TRPC6: variants seen among roughly 807,000 people sequenced by gnomAD.
The protein encoded by TRPC6 is short transient receptor potential channel 6.
Under a neutral mutation model 90.7 loss-of-function variants are expected in TRPC6, and 55 were observed. The ratio of observed to expected loss-of-function variants is 0.61; its 90% CI spans 0.49 to 0.76. The LOEUF is 0.76. Ranked by LOEUF, TRPC6 falls within the 30% of genes least tolerant of loss-of-function variation. The pLI is 0.00. For missense variants in TRPC6, 989 were observed against 1,122.7 expected (o/e 0.88, Z 1.70); for synonymous variants, 393 against 393.0 (o/e 1.00, Z 0.00).
chr11:101,464,922 G>C (rs979267750), intron 10 of TRPC6, among the ~76,000 whole-genome samples: 9 of 152,196 alleles, frequency 5.9e-5, no homozygotes, highest in African/African-American at 1.9e-4. Context: ...TTTTGCAGCA[G>C]CTTGTACCGG....
At chr11:101,578,371 T>C (rs2136900910) in intron 1 of TRPC6, among the ~76,000 whole-genome samples, 2 of 152,338 alleles carry the variant, frequency 1.3e-5, no homozygotes, top group Non-Finnish European at 2.9e-5. Flanking sequence ...TTCTCTAGCC[T>C]ACAGTCTGAA....
intron 1 of TRPC6, among the ~76,000 whole-genome samples, chr11:101,527,640 G>T (rs561210774): frequency 7.2e-5 from 11 of 152,126 alleles, no homozygotes; most frequent in African/African-American, 2.7e-4. Context: ...TATAAAATTT[G>T]AATTTTGCTA....
chr11:101,455,636 C>A (rs1282647657), intron 10 of TRPC6: 4 of 152,436 alleles, frequency 2.6e-5, no homozygotes, highest in African/African-American at 9.7e-5. Flanking sequence ...CAGCACTTTT[C>A]AAATTAAAAT....
intron 1 of TRPC6, among the ~76,000 whole-genome samples, chr11:101,545,394 T>C (rs1347772827): frequency 1.3e-5 from 2 of 152,308 alleles, no homozygotes; most frequent in African/African-American, 2.4e-5. Flanking sequence ...AGCATCCATA[T>C]ATTTTGCTAT....
intron 1 of TRPC6, among the ~76,000 whole-genome samples, chr11:101,532,593 G>A (rs61916052): frequency 0.018 from 2,719 of 152,224 alleles, 39 homozygotes; most frequent in Non-Finnish European, 0.028. Context: ...AACTGGGAGC[G>A]GACAATGTAG....
At chr11:101,467,359 C>G (rs1379961706) in intron 10 of TRPC6, among the ~76,000 whole-genome samples, 1 of 152,144 alleles carries the variant, frequency 6.6e-6, no homozygotes, top group Non-Finnish European at 1.5e-5. Context: ...TATACTTACT[C>G]TTCCTGCTCT....
chr11:101,548,210 A>G (rs1017153689), intron 1 of TRPC6, among the ~76,000 whole-genome samples: 2 of 147,414 alleles, frequency 1.4e-5, no homozygotes, highest in African/African-American at 5.0e-5. Context: ...TTTAAAATTT[A>G]TCATCTCATT....
intron 5 of TRPC6, among the ~76,000 whole-genome samples, chr11:101,480,681 C>A (rs930320176): frequency 5.9e-5 from 9 of 152,054 alleles, no homozygotes; most frequent in African/African-American, 2.2e-4. Context: ...CATATAAATG[C>A]TCAGTGAAAA....
intron 1 of TRPC6, among the ~76,000 whole-genome samples, chr11:101,535,175 A>AAAGGAAGGAAGGAAGG (rs199866910): frequency 3.4e-4 from 44 of 129,600 alleles, no homozygotes; most frequent in African/African-American, 9.2e-4. Flanking sequence ...GAAAGAAAAG[A>AAAGGAAGGAAGGAAGG]AAGGAAGGAA....
Position 101,488,822 on chromosome 11 carries a change from A to C in TRPC6, c.1293+115T>G. 11 of 1,138,372 alleles carry C rather than the reference A, an allele frequency of 9.7e-6. No individual in the cohort carries two copies. The South Asian group carries it at 1.5e-4, about 15-fold the overall frequency. 70.5% of individuals were successfully genotyped at this position (1,138,372 alleles called of 1,614,324 possible). ...TTATTTTGTAATGTTAAAAACAATAAAGATTACTGAAACCCAACTGTGATT... is the reference window on the plus strand; with the variant it reads ...TTATTTTGTAATGTTAAAAACAATACAGATTACTGAAACCCAACTGTGATT... On this transcript the variant is annotated intron_variant, in intron 4 of 12. Coordinates refer to ENST00000344327, the MANE Select transcript of TRPC6 (RefSeq NM_004621.6).
chr11:101,452,858 T>A lies in TRPC6; in HGVS notation c.*97A>T. 4.2e-6 allele frequency: 6 copies of A among 1,435,266 alleles called. No individual in the cohort carries two copies. The South Asian group carries it at 5.9e-5, about 14-fold the overall frequency. 88.9% of individuals were successfully genotyped at this position (1,435,266 alleles called of 1,614,324 possible). A position where few individuals can be genotyped will look rare whatever the true frequency, so the allele number is the denominator to read the frequency against. On this transcript the variant is annotated 3_prime_UTR_variant, in exon 13 of 13. Coordinates refer to ENST00000344327, the MANE Select transcript of TRPC6 (RefSeq NM_004621.6). ...CCCAAGTTATTTAACGTTTTCTTGT[T>A]TAAAAGGTGGGCCCATTGGCACTTA...
chr11:101,491,466 C>T, intron 3 of TRPC6, 90 bp downstream of exon 3: 1 of 1,512,450 alleles, frequency 6.6e-7, no homozygotes, highest in African/African-American at 1.4e-5. Context: ...AAAGAAAATC[C>T]CAGCTTAATC....
At chr11:101,562,313 A>G (rs1332805166) in intron 1 of TRPC6, among the ~76,000 whole-genome samples, 1 of 152,186 alleles carries the variant, frequency 6.6e-6, no homozygotes. Flanking sequence ...AAGGATTTAA[A>G]TGAGCAGTTA....
chr11:101,457,260 T>A (rs1565442940), intron 10 of TRPC6, among the ~76,000 whole-genome samples: 1 of 152,158 alleles, frequency 6.6e-6, no homozygotes, highest in Admixed American at 6.6e-5. Context: ...TCTCTCCAAT[T>A]CTGAATGAAC....
At chr11:101,513,847 T>C (rs1030031492) in intron 1 of TRPC6, among the ~76,000 whole-genome samples, 59 of 152,146 alleles carry the variant, frequency 3.9e-4, no homozygotes, top group African/African-American at 1.4e-3. Context: ...ACATTCAAAA[T>C]GTGAAGAGCA....
chr11:101,566,646 G>A (rs921455144), intron 1 of TRPC6, among the ~76,000 whole-genome samples: 5 of 152,190 alleles, frequency 3.3e-5, no homozygotes, highest in African/African-American at 4.8e-5. Context: ...GATAGACGCA[G>A]AAGGCAGGTA....
At chr11:101,471,427 A>C (rs780861425) in intron 8 of TRPC6, 41 bp from the exon 9 acceptor site, 1 of 1,599,680 alleles carries the variant, frequency 6.3e-7, no homozygotes. Flanking sequence ...GAAATGCATA[A>C]ACAGAATTAC....
intron 1 of TRPC6, among the ~76,000 whole-genome samples, chr11:101,531,649 C>T (rs967433300): frequency 6.6e-6 from 1 of 152,150 alleles, no homozygotes; most frequent in Non-Finnish European, 1.5e-5. Flanking sequence ...CAATTTGAGG[C>T]GTTTTGTATT....
chr11:101,465,872 C>T (rs1859132690), intron 10 of TRPC6, among the ~76,000 whole-genome samples: 1 of 152,126 alleles, frequency 6.6e-6, no homozygotes. Context: ...AAGAGGCATT[C>T]TGGTTTTTGG....
Sources: gnomAD v4.1 joint callset for allele counts (sites outside exome capture counted in the v4.1 genomes callset) on GRCh38, gnomAD v4.1.1 for gene constraint, MANE v1.5 for transcripts, NCBI Gene and HGNC (gene_info 2026-07-23, HGNC 2026-07-21) for gene names.